The following BCAR3 variants were observed in gnomAD, a reference collection of about 807,000 sequenced individuals.
BCAR3 encodes the protein breast cancer anti-estrogen resistance protein 3.
BCAR3 carries 37 observed loss-of-function variants against 80.1 expected under a neutral mutation model. That is an observed-to-expected ratio of 0.46 (90% CI 0.36 to 0.61). BCAR3 has a LOEUF of 0.61. Ranked by LOEUF, BCAR3 falls within the 20% of genes least tolerant of loss-of-function variation. The probability of loss-of-function intolerance (pLI) is 0.00; values close to 1 mark genes in which losing one functional copy is unlikely to be tolerated. For missense variants in BCAR3, 978 were observed against 1,068.2 expected, an observed-to-expected ratio of 0.92 and a Z score of 1.18; for synonymous variants, 389 against 418.9, an observed-to-expected ratio of 0.93 and a Z score of 0.87.
chr1:93,700,846 G>A (rs1649615740), intron 3 of BCAR3, among the ~76,000 whole-genome samples: 1 of 152,244 alleles, frequency 6.6e-6, no homozygotes, highest in Admixed American at 6.5e-5. Flanking sequence ...GCCTTTTGGG[G>A]AGGGAAGCAG....
At chr1:93,846,759 G>A in intron 1 of BCAR3, 1 of 426,614 alleles carries the variant, frequency 2.3e-6, no homozygotes, top group South Asian at 1.7e-5. Flanking sequence ...GCGCGGGCTC[G>A]GGGCAGCTGC....
At chr1:93,611,195 G>A (rs1674937640) in intron 3 of BCAR3, among the ~76,000 whole-genome samples, 1 of 152,170 alleles carries the variant, frequency 6.6e-6, no homozygotes, top group Non-Finnish European at 1.5e-5. Context: ...TTTTGCAAAT[G>A]TAATGAAGTG....
At chr1:93,618,763 A>T (rs752956356) in intron 3 of BCAR3, among the ~76,000 whole-genome samples, 16 of 152,196 alleles carry the variant, frequency 1.1e-4, no homozygotes, top group Non-Finnish European at 1.8e-4. Context: ...TCACTATCTG[A>T]TGATCTTGGC....
At position 93,582,852 on chromosome 1, in the gene BCAR3, C is replaced by A; in HGVS notation, c.1135G>T (p.Val379Phe). The change falls in exon 7 of 12, where the codon GTT becomes TTT. Residue 379 changes from valine (V) to phenylalanine (F), a missense_variant. By Grantham distance (50) the Val-to-Phe change is conservative. Transcript: ENST00000260502. ...GSEPALSPAV[V>F]RRVSSDARAG... ...CTGGCGTCTGAGGAGACCCTCCGAACCACTGCTGGGCTCAGGGCAGGCTCG... is the reference window on the plus strand; with the variant it reads ...CTGGCGTCTGAGGAGACCCTCCGAAACACTGCTGGGCTCAGGGCAGGCTCG... 1 of 1,613,216 alleles carries A rather than the reference C, an allele frequency of 6.2e-7. No homozygotes were observed. Among genetic ancestry groups the A allele is most frequent in the Non-Finnish European group, 8.5e-7 (1 of 1,179,976 alleles).
chr1:93,761,067 GC>G (rs2100726387), intron 2 of BCAR3, among the ~76,000 whole-genome samples: 1 of 152,274 alleles, frequency 6.6e-6, no homozygotes, highest in South Asian at 2.1e-4. Flanking sequence ...TTATGCTGGG[GC>G]CATTAACACA....
chr1:93,720,888 G>A (rs1571072723), intron 2 of BCAR3, among the ~76,000 whole-genome samples: 1 of 151,362 alleles, frequency 6.6e-6, no homozygotes, highest in Non-Finnish European at 1.5e-5. Context: ...CAGGCCCTGC[G>A]CTCTCATGGT....
intron 7 of BCAR3, among the ~76,000 whole-genome samples, chr1:93,582,031 C>T (rs1673727943): frequency 6.6e-6 from 1 of 152,234 alleles, no homozygotes; most frequent in Non-Finnish European, 1.5e-5. Context: ...CCCCCGGCAG[C>T]AGCCTGCCAT....
intron 2 of BCAR3, among the ~76,000 whole-genome samples, chr1:93,746,468 G>A (rs1475650913): frequency 1.3e-5 from 2 of 152,136 alleles, no homozygotes; most frequent in Non-Finnish European, 2.9e-5. Context: ...GTAGTTTAGA[G>A]TCTTAAAAAG....
chr1:93,770,894 G>A (rs998612251), intron 2 of BCAR3, among the ~76,000 whole-genome samples: 13 of 152,054 alleles, frequency 8.5e-5, no homozygotes, highest in Non-Finnish European at 1.6e-4. Context: ...CTATGCAAGT[G>A]GTGTCATCTC....
intron 2 of BCAR3, among the ~76,000 whole-genome samples, chr1:93,832,058 T>C (rs945275436): frequency 3.3e-5 from 5 of 152,194 alleles, no homozygotes; most frequent in South Asian, 2.1e-4. Context: ...ATTCTCGATA[T>C]GTGTTTTATT....
At chr1:93,718,370 G>A (rs1285058916) in intron 2 of BCAR3, among the ~76,000 whole-genome samples, 1 of 152,210 alleles carries the variant, frequency 6.6e-6, no homozygotes, top group African/African-American at 2.4e-5. Context: ...AGCAGGGTGA[G>A]AAAGCGCTGG....
chr1:93,659,177 G>C (rs1647532952), intron 2 of BCAR3, among the ~76,000 whole-genome samples: 2 of 152,112 alleles, frequency 1.3e-5, no homozygotes, highest in Admixed American at 1.3e-4. Context: ...AACAGAGATA[G>C]CAACAGGTTT....
At chr1:93,574,445 C>T (rs1288413821) in intron 8 of BCAR3, among the ~76,000 whole-genome samples, 1 of 152,132 alleles carries the variant, frequency 6.6e-6, no homozygotes, top group East Asian at 1.9e-4. Context: ...AAAAGAAGAT[C>T]CCACAGGTCA....
intron 2 of BCAR3, among the ~76,000 whole-genome samples, chr1:93,664,285 A>C (rs995095611): frequency 6.6e-6 from 1 of 152,064 alleles, no homozygotes; most frequent in African/African-American, 2.4e-5. Flanking sequence ...ACGCCCAGCT[A>C]ATTTTGTATT....
chr1:93,767,805 C>A (rs555180098), intron 2 of BCAR3, among the ~76,000 whole-genome samples: 1 of 152,014 alleles, frequency 6.6e-6, no homozygotes. Context: ...CAAGAGTATT[C>A]TCGGGGCAAA....
intron 2 of BCAR3, among the ~76,000 whole-genome samples, chr1:93,777,337 T>TTTC (rs138221051): frequency 0.11 from 17,042 of 150,590 alleles, 1,459 homozygotes; most frequent in African/African-American, 0.21. Flanking sequence ...GCAAATAATA[T>TTTC]TTCTTCTGCT....
chr1:93,739,327 T>C (rs75351136), intron 2 of BCAR3, among the ~76,000 whole-genome samples: 2,376 of 152,234 alleles, frequency 0.016, 32 homozygotes, highest in Non-Finnish European at 0.024. Context: ...TAAGTAGTGA[T>C]TAGAATCAGT....
intron 2 of BCAR3, among the ~76,000 whole-genome samples, chr1:93,718,750 T>C (rs1257816094): frequency 7.1e-6 from 1 of 140,922 alleles, no homozygotes; most frequent in East Asian, 2.1e-4. Flanking sequence ...TGCTGGAGTG[T>C]GGTAGCATGA....
intron 2 of BCAR3, among the ~76,000 whole-genome samples, chr1:93,651,946 C>T (rs565225738): frequency 1.3e-5 from 2 of 152,346 alleles, no homozygotes; most frequent in African/African-American, 4.8e-5. Flanking sequence ...CCCATGCGGC[C>T]ACACACAGAC....
Sources: allele counts gnomAD v4.1 joint callset (sites outside exome capture counted in the v4.1 genomes callset), GRCh38; gene constraint gnomAD v4.1.1; transcripts MANE v1.5; gene names NCBI Gene and HGNC (gene_info 2026-07-23, HGNC 2026-07-21).